The following UVSSA variants were observed in gnomAD, a reference collection of about 807,000 sequenced individuals.
UVSSA encodes UV stimulated scaffold protein A.
A neutral mutation model predicts 73.9 loss-of-function variants in UVSSA; 72 were observed. The observed-to-expected ratio is 0.97, with a 90% confidence interval of 0.81 to 1.19. The LOEUF (loss-of-function observed/expected upper bound fraction) is 1.19, where lower values mean the gene tolerates loss of function less well. Among genes scored for constraint, UVSSA ranks in the 50% most tolerant of loss-of-function variants. The pLI is 0.00. For synonymous variants in UVSSA, 454 were observed against 391.3 expected, an observed-to-expected ratio of 1.16 and a Z score of -1.89; for missense variants, 1,150 against 965.0, an observed-to-expected ratio of 1.19 and a Z score of -2.54.
At chr4:1,344,411 C>T (rs1013490756), upstream of UVSSA, among the ~76,000 whole-genome samples, 30 of 151,924 alleles carry the variant, frequency 2.0e-4, no homozygotes, top group Non-Finnish European at 3.5e-4. Context: ...ATTAGCTGGG[C>T]GTGGTGGTGG....
chr4:1,365,964 G>A (rs1717264642), intron 7 of UVSSA: 1 of 172,474 alleles, frequency 5.8e-6, no homozygotes, highest in Non-Finnish European at 1.2e-5. Flanking sequence ...CTGGTGGGAA[G>A]ATAACTCCCC....
chr4:1,348,684 A>AT (rs1170329772), intron 2 of UVSSA, among the ~76,000 whole-genome samples: 4 of 152,232 alleles, frequency 2.6e-5, no homozygotes, highest in Non-Finnish European at 5.9e-5. Context: ...AGGGTGGAGC[A>AT]TAAGTCGAGG....
chr4:1,375,644 C>T (rs373468059), intron 9 of UVSSA, 136 bp downstream of exon 9: 18 of 1,370,108 alleles, frequency 1.3e-5, no homozygotes, highest in East Asian at 4.9e-5. Flanking sequence ...TGTGTACCCC[C>T]GGCCGGGTGA....
At chr4:1,343,005 T>C (rs1023300558), upstream of UVSSA, among the ~76,000 whole-genome samples, 1 of 152,326 alleles carries the variant, frequency 6.6e-6, no homozygotes, top group South Asian at 2.1e-4. Flanking sequence ...AATCAACTCA[T>C]CAGTGTCTGC....
rs1490037512 is a variant in UVSSA at position 1,375,226 on chromosome 4, G to A, written c.1289-138G>A. On this transcript the variant is annotated intron_variant, in intron 8 of 13. Transcript: ENST00000389851. ...GCCTCACCCTCGCCCGTGAGGAGCA[G>A]ATAGCAGGCACCCACCTCGGGACTG... 12 of 1,407,988 alleles carry A rather than the reference G, an allele frequency of 8.5e-6. No homozygotes were observed. In the Admixed American group the frequency reaches 2.3e-4, roughly 26 times the overall value. The allele number at this position is 1,407,988 out of a possible 1,614,324, so 87.2% of individuals were successfully genotyped here.
chr4:1,379,053 C>G (rs1337735356), intron 10 of UVSSA, among the ~76,000 whole-genome samples: 3 of 150,770 alleles, frequency 2.0e-5, no homozygotes, highest in Non-Finnish European at 4.4e-5. Flanking sequence ...GGGCTGTGCT[C>G]CTGTCTGTGG....
chr4:1,376,581 C>T (rs1015736795), intron 10 of UVSSA, among the ~76,000 whole-genome samples: 1 of 152,182 alleles, frequency 6.6e-6, no homozygotes, highest in Non-Finnish European at 1.5e-5. Context: ...AGACCTCAGG[C>T]GGGGGCTCTG....
chr4:1,358,953 G>T (rs1270466300), intron 7 of UVSSA, among the ~76,000 whole-genome samples: 3 of 152,234 alleles, frequency 2.0e-5, no homozygotes, highest in Non-Finnish European at 4.4e-5. Context: ...CAGGAGCCTA[G>T]CCCCGGAAGG....
chr4:1,356,065 C>G (rs1387158745), intron 7 of UVSSA, among the ~76,000 whole-genome samples: 1 of 152,184 alleles, frequency 6.6e-6, no homozygotes, highest in Non-Finnish European at 1.5e-5. Context: ...TGAGCTCCCA[C>G]AGCAGTGCTG....
In UVSSA at chr4:1,353,213, C is replaced by G. The variant is rs764512705; in HGVS notation, c.734C>G (p.Pro245Arg). ...VGPCRSGTPD[P>R]RDGEQPCCSR... ...CCCTGCCGGTCTGGCACCCCTGACCCCCGGGACGGGGAGCAGCCCTGCTGC... is the reference window on the plus strand; with the variant it reads ...CCCTGCCGGTCTGGCACCCCTGACCGCCGGGACGGGGAGCAGCCCTGCTGC... Residue 245 changes from proline to arginine, a missense_variant, in exon 5 of 14, where the codon CCC (proline) becomes CGC (arginine). Physicochemically the swap from Pro to Arg is moderately radical, Grantham distance 103 (BLOSUM62 -2). Coordinates refer to ENST00000389851, the MANE Select transcript of UVSSA (RefSeq NM_020894.4). 6.2e-7 allele frequency: 1 copy of G among 1,612,464 alleles called. No individual in the cohort carries two copies. Among genetic ancestry groups the G allele is most frequent in the Non-Finnish European group, 8.5e-7 (1 of 1,179,850 alleles).
exon 14 of UVSSA, chr4:1,394,707 G>A (rs763709360): frequency 6.3e-7 from 1 of 1,597,320 alleles, no homozygotes; most frequent in Non-Finnish European, 8.5e-7. Context: ...GTGCCCGCCT[G>A]CTCACACACG....
upstream of UVSSA, among the ~76,000 whole-genome samples, chr4:1,346,530 G>A (rs1438788407): frequency 6.6e-6 from 1 of 152,206 alleles, no homozygotes; most frequent in African/African-American, 2.4e-5. Context: ...CCCAGGGCCA[G>A]CCCGGGCCCA....
chr4:1,353,489 G>A (rs1305301385), intron 5 of UVSSA, 76 bp downstream of exon 5: 129 of 1,429,210 alleles, frequency 9.0e-5, no homozygotes, highest in Admixed American at 2.3e-4. Flanking sequence ...ACTGGCACCC[G>A]GCCCAGGAGC....
intron 2 of UVSSA, among the ~76,000 whole-genome samples, chr4:1,348,485 G>T (rs1394697242): frequency 6.6e-6 from 1 of 152,252 alleles, no homozygotes; most frequent in Admixed American, 6.5e-5. Context: ...AGAGAGAAAC[G>T]TGCATCTTTT....
At chr4:1,393,617 G>A (rs796303771) in exon 14 of UVSSA, 2 of 138,850 alleles carry the variant, frequency 1.4e-5, no homozygotes, top group Admixed American at 1.4e-4. Flanking sequence ...TAGATAGATA[G>A]GATAAGATAA....
chr4:1,377,681 A>T (rs765480638), intron 10 of UVSSA, among the ~76,000 whole-genome samples: 12 of 151,984 alleles, frequency 7.9e-5, no homozygotes, highest in Admixed American at 6.5e-5. Context: ...TTGGGCTGAG[A>T]GAGAGGCCTG....
At chr4:1,383,137 A>G (rs1719698204) in intron 12 of UVSSA, among the ~76,000 whole-genome samples, 1 of 152,130 alleles carries the variant, frequency 6.6e-6, no homozygotes, top group South Asian at 2.1e-4. Context: ...CCTCACTGCC[A>G]CAGGGCCTCA....
chr4:1,380,149 C>G lies in UVSSA; in HGVS notation c.1671C>G (p.Ala557=). 1 of 1,613,214 alleles carries G rather than the reference C, an allele frequency of 6.2e-7. No homozygotes were observed. The change falls in exon 11 of 14, where the codon GCC becomes GCG. Residue 557 remains alanine (A), a synonymous_variant. Transcript: ENST00000389851. ...TCCGGAGCCGCCACATCACTTTTGC[C>G]GGGAAGTTTGAGCCTGTGCAGCACT... ...EMLRSRHITF[A]GKFEPVQHWC... is the part of the protein sequence containing the mutation.
At chr4:1,349,985 C>T (rs1028774938) in intron 3 of UVSSA, 131 bp downstream of exon 3, 2 of 846,016 alleles carry the variant, frequency 2.4e-6, no homozygotes, top group Non-Finnish European at 3.5e-6. Context: ...CCTGAACACC[C>T]AGGCTGCCAG....
Sources: allele counts gnomAD v4.1 joint callset (sites outside exome capture counted in the v4.1 genomes callset), GRCh38; gene constraint gnomAD v4.1.1; transcripts MANE v1.5; gene names NCBI Gene and HGNC (gene_info 2026-07-23, HGNC 2026-07-21).